SUSD6: variants seen among roughly 807,000 people sequenced by gnomAD.
SUSD6 encodes sushi domain containing 6, also known as sushi domain-containing protein 6.
A neutral mutation model predicts 28.4 loss-of-function variants in SUSD6; 16 were observed. The observed-to-expected ratio is 0.56, with a 90% confidence interval of 0.38 to 0.86. SUSD6 has a LOEUF of 0.86. Ranked by LOEUF, SUSD6 falls within the 40% of genes least tolerant of loss-of-function variation. The pLI is 0.00. For missense variants in SUSD6, 341 were observed against 384.2 expected, an observed-to-expected ratio of 0.89 and a Z score of 0.94; for synonymous variants, 147 against 159.6, an observed-to-expected ratio of 0.92 and a Z score of 0.59.
At chr14:69,624,841 C>T (rs1395278471) in intron 1 of SUSD6, among the ~76,000 whole-genome samples, 1 of 152,032 alleles carries the variant, frequency 6.6e-6, no homozygotes, top group Non-Finnish European at 1.5e-5. Flanking sequence ...TTGATTATTG[C>T]CTGGTGTGGG....
chr14:69,627,720 T>A (rs1187448686), intron 1 of SUSD6, among the ~76,000 whole-genome samples: 5 of 152,126 alleles, frequency 3.3e-5, no homozygotes, highest in Admixed American at 3.3e-4. Context: ...TGCCTCGGCC[T>A]CCCAAAGTGC....
At chr14:69,612,658 A>G (rs1378018320) in intron 1 of SUSD6, among the ~76,000 whole-genome samples, 1 of 152,102 alleles carries the variant, frequency 6.6e-6, no homozygotes. Context: ...GGTTAAAGGG[A>G]AGTTGGCGTC....
chr14:69,704,696 C>T lies in SUSD6; in HGVS notation c.412C>T (p.Leu138=). 6.2e-7 allele frequency: 1 copy of T among 1,614,202 alleles called. No homozygotes were observed. Among genetic ancestry groups the T allele is most frequent in the Non-Finnish European group, 8.5e-7 (1 of 1,180,038 alleles). ...SVALILLLVV[L]FVLLQPKLKS... is the part of the protein sequence containing the mutation. ...GGCGCTCATTCTCCTCCTCGTGGTG[C>T]TGTTTGTGCTGCTGCAGCCAAAGCT... is the stretch of plus-strand genomic sequence containing the variant. The change falls in exon 4 of 6, where the codon CTG becomes TTG. Residue 138 remains leucine, a synonymous_variant. Transcript: ENST00000342745.
chr14:69,669,810 G>A (rs1885803060), intron 2 of SUSD6, among the ~76,000 whole-genome samples: 1 of 151,412 alleles, frequency 6.6e-6, no homozygotes, highest in African/African-American at 2.5e-5. Flanking sequence ...GGCTTTGTGT[G>A]TGTTTATTGA....
chr14:69,682,625 AGGGCTCT>A, intron 2 of SUSD6, among the ~76,000 whole-genome samples: 1 of 152,356 alleles, frequency 6.6e-6, no homozygotes, highest in South Asian at 2.1e-4. Context: ...TTAAAGAGCA[AGGGCTCT>A]GGTTTATCTA....
intron 1 of SUSD6, among the ~76,000 whole-genome samples, chr14:69,641,923 G>T (rs1291580404): frequency 6.6e-6 from 1 of 152,086 alleles, no homozygotes; most frequent in East Asian, 1.9e-4. Context: ...TATTCTTTAT[G>T]ACTTTTCTCT....
At chr14:69,685,439 A>G (rs553324826) in intron 2 of SUSD6, among the ~76,000 whole-genome samples, 7 of 152,316 alleles carry the variant, frequency 4.6e-5, no homozygotes, top group African/African-American at 1.7e-4. Flanking sequence ...CAAAGCATAG[A>G]GTTCGGGGAA....
chr14:69,618,617 C>A (rs1417468737), intron 1 of SUSD6, among the ~76,000 whole-genome samples: 2 of 152,224 alleles, frequency 1.3e-5, no homozygotes, highest in East Asian at 1.9e-4. Flanking sequence ...AACTTGAATT[C>A]TCTTCTCTGG....
intron 1 of SUSD6, among the ~76,000 whole-genome samples, chr14:69,636,531 A>G (rs963074821): frequency 6.6e-6 from 1 of 152,208 alleles, no homozygotes; most frequent in Admixed American, 6.5e-5. Context: ...AATTTCCTTC[A>G]GCTCTTAGAA....
intron 2 of SUSD6, among the ~76,000 whole-genome samples, chr14:69,670,033 C>T (rs1405391036): frequency 6.6e-6 from 1 of 152,198 alleles, no homozygotes; most frequent in Non-Finnish European, 1.5e-5. Flanking sequence ...AGACCTTGCT[C>T]CAAACCCTAA....
chr14:69,643,535 C>T (rs892207644), intron 1 of SUSD6, among the ~76,000 whole-genome samples: 2 of 152,194 alleles, frequency 1.3e-5, no homozygotes, highest in African/African-American at 4.8e-5. Context: ...GAGTCTTCTT[C>T]CTGTACCTCC....
At chr14:69,694,410 G>A (rs960619952) in intron 2 of SUSD6, among the ~76,000 whole-genome samples, 1 of 152,224 alleles carries the variant, frequency 6.6e-6, no homozygotes, top group Non-Finnish European at 1.5e-5. Context: ...TACCCAGTGG[G>A]TAACTGTTGG....
Position 69,642,629 on chromosome 14 carries a change from G to A in SUSD6, c.-80-15884G>A, listed in dbSNP as rs149744899. Reference sequence around the variant, plus strand: ...AATAGCATGGGAAAGACCAGCACCCGTGATTCAATTACCCCGCCCCCCGCC... The same window carrying A: ...AATAGCATGGGAAAGACCAGCACCCATGATTCAATTACCCCGCCCCCCGCC... On this transcript the variant is annotated intron_variant, in intron 1 of 5. Transcript: ENST00000342745. Among the ~76,000 whole-genome samples the A allele has an allele frequency of 4.2e-3, 639 of 151,866 alleles. 3 individuals are homozygous for A. Among genetic ancestry groups the A allele is most frequent in the Non-Finnish European group, 7.3e-3 (494 of 67,910 alleles).
chr14:69,661,032 C>G (rs1224454338), intron 2 of SUSD6, among the ~76,000 whole-genome samples: 1 of 152,164 alleles, frequency 6.6e-6, no homozygotes, highest in African/African-American at 2.4e-5. Context: ...GAAGGAAGGC[C>G]TAGTCAAAAC....
At chr14:69,705,205 C>T (rs1387799457) in intron 4 of SUSD6, among the ~76,000 whole-genome samples, 2 of 151,740 alleles carry the variant, frequency 1.3e-5, no homozygotes, top group African/African-American at 2.4e-5. Flanking sequence ...GTAGTCCCAG[C>T]TACTCTGGAG....
In SUSD6 at chr14:69,708,673, C is replaced by T; in HGVS notation, c.459-4C>T. 6.4e-7 allele frequency: 1 copy of T among 1,552,298 alleles called. No homozygotes were observed. The highest frequency in any genetic ancestry group is 8.7e-7 in the Non-Finnish European group (1 of 1,147,850). ...ATCCTTTGTCTTTTCCTCCTCCACTCCAGGCGTGACCAGGGGGTATCTGGG... is the reference window on the plus strand; with the variant it reads ...ATCCTTTGTCTTTTCCTCCTCCACTTCAGGCGTGACCAGGGGGTATCTGGG... On this transcript the variant is annotated splice_region_variant and splice_polypyrimidine_tract_variant and intron_variant, in intron 4 of 5. Transcript: ENST00000342745.
At position 69,625,584 on chromosome 14, in the gene SUSD6, C is replaced by T. The variant is rs542967311; in HGVS notation, c.-81+13756C>T. Reference sequence around the variant, plus strand: ...GATGTGAAGCTCAGCAGAACATGGCCGGTCTGGACAGAGGGGGTTAGCAAG... The same window carrying T: ...GATGTGAAGCTCAGCAGAACATGGCTGGTCTGGACAGAGGGGGTTAGCAAG... On this transcript the variant is annotated intron_variant, in intron 1 of 5. Coordinates refer to ENST00000342745, the MANE Select transcript of SUSD6 (RefSeq NM_014734.4). Among the ~76,000 whole-genome samples the T allele has an allele frequency of 9.9e-5, 15 of 152,202 alleles. No homozygotes were observed. The South Asian group carries it at 1.5e-3, about 15-fold the overall frequency.
intron 2 of SUSD6, among the ~76,000 whole-genome samples, chr14:69,687,551 G>A (rs538713548): frequency 2.6e-5 from 4 of 152,364 alleles, no homozygotes; most frequent in African/African-American, 9.6e-5. Context: ...CTCTTAGACT[G>A]TGAACTTTCT....
At chr14:69,663,656 A>T (rs1283533492) in intron 2 of SUSD6, among the ~76,000 whole-genome samples, 1 of 152,238 alleles carries the variant, frequency 6.6e-6, no homozygotes, top group Admixed American at 6.5e-5. Flanking sequence ...CAGTTGTGCA[A>T]CCATTTTATA....
Sources: allele counts gnomAD v4.1 joint callset (sites outside exome capture counted in the v4.1 genomes callset), GRCh38; gene constraint gnomAD v4.1.1; transcripts MANE v1.5; gene names NCBI Gene and HGNC (gene_info 2026-07-23, HGNC 2026-07-21).